Variants in RFC3 observed in about 807,000 individuals in gnomAD.
RFC3 encodes replication factor C subunit 3, also known as A1 38 kDa subunit.
A neutral mutation model predicts 45.1 loss-of-function variants in RFC3; 41 were observed. That is an observed-to-expected ratio of 0.91 (90% confidence interval 0.71 to 1.18). RFC3 has a LOEUF of 1.18. Ranked by LOEUF, RFC3 falls within the 50% of genes most tolerant of loss-of-function variation. The probability of loss-of-function intolerance (pLI) is 0.00; values close to 1 mark genes in which losing one functional copy is unlikely to be tolerated. For missense variants in RFC3, 423 were observed against 428.1 expected, an observed-to-expected ratio of 0.99 and a Z score of 0.10; for synonymous variants, 149 against 144.0, an observed-to-expected ratio of 1.03 and a Z score of -0.25.
rs774626588 is a variant in RFC3 at position 33,818,158 on chromosome 13, C to A, written c.-21C>A. 9 of 1,602,636 alleles carry A rather than the reference C, an allele frequency of 5.6e-6. No homozygotes were observed. Among genetic ancestry groups the A allele is most frequent in the Non-Finnish European group, 7.7e-6 (9 of 1,171,844 alleles). On this transcript the variant is annotated 5_prime_UTR_variant, in exon 1 of 9. Transcript: ENST00000380071. ...CTCGCGCGGGATTTTCAAGCGTAGG[C>A]CCCCGGGAACTCGAGCTGCCATGAG...
At chr13:33,901,373 C>T (rs949628847) in intron 8 of RFC3, among the ~76,000 whole-genome samples, 1 of 151,938 alleles carries the variant, frequency 6.6e-6, no homozygotes, top group African/African-American at 2.4e-5. Flanking sequence ...AAAATAAAAT[C>T]TTGCCATTTT....
chr13:33,842,594 T>TA (rs1258894382), intron 8 of RFC3, among the ~76,000 whole-genome samples: 1 of 152,214 alleles, frequency 6.6e-6, no homozygotes, highest in African/African-American at 2.4e-5. Context: ...AACTCACTGT[T>TA]ATCACAGTTC....
At chr13:33,921,319 C>G (rs2082767445) in intron 8 of RFC3, among the ~76,000 whole-genome samples, 1 of 152,132 alleles carries the variant, frequency 6.6e-6, no homozygotes, top group African/African-American at 2.4e-5. Context: ...GAGCTTGGGA[C>G]TGCCCAAGAG....
rs772138530 is a variant in RFC3 at position 33,818,187 on chromosome 13, C to G, written c.9C>G (p.Leu3=). The G allele has an allele frequency of 5.6e-6, 9 of 1,613,388 alleles. No homozygotes were observed. The African/African-American group carries it at 1.2e-4, about 22-fold the overall frequency. The change falls in exon 1 of 9, where the codon CTC becomes CTG. Residue 3 remains leucine (L), a synonymous_variant. Transcript: ENST00000380071. MS[L]WVDKYRPCSL... ...CGGGAACTCGAGCTGCCATGAGCCT[C>G]TGGGTGGACAAGTATCGGCCCTGCT... is the stretch of plus-strand genomic sequence containing the variant.
chr13:33,819,529 A>G (rs372237553), intron 1 of RFC3, among the ~76,000 whole-genome samples: 4 of 152,238 alleles, frequency 2.6e-5, no homozygotes, highest in African/African-American at 9.6e-5. Flanking sequence ...CGTAAAAATC[A>G]TTAGACTAGT....
intron 8 of RFC3, among the ~76,000 whole-genome samples, chr13:33,924,287 G>A (rs1323243406): frequency 6.6e-6 from 1 of 151,950 alleles, no homozygotes; most frequent in East Asian, 1.9e-4. Flanking sequence ...AATGGAAGGT[G>A]GCAAATTATC....
At chr13:33,968,999 A>C (rs950109243), downstream of RFC3, among the ~76,000 whole-genome samples, 2 of 152,192 alleles carry the variant, frequency 1.3e-5, no homozygotes, top group Admixed American at 1.3e-4. Flanking sequence ...CACCCACCGT[A>C]CAAATTTTCT....
chr13:33,973,556 G>C, the RFC3 span, among the ~76,000 whole-genome samples: 4 of 151,950 alleles, frequency 2.6e-5, no homozygotes, highest in African/African-American at 9.7e-5. Flanking sequence ...CATCTCATAG[G>C]GCGTAATACC....
intron 8 of RFC3, among the ~76,000 whole-genome samples, chr13:33,964,944 G>A (rs2083078502): frequency 6.6e-6 from 1 of 152,218 alleles, no homozygotes; most frequent in African/African-American, 2.4e-5. Context: ...CCTGGAGGCA[G>A]AGATTAGAGT....
At chr13:33,871,864 A>G (rs934794603) in intron 8 of RFC3, among the ~76,000 whole-genome samples, 1 of 152,108 alleles carries the variant, frequency 6.6e-6, no homozygotes, top group Non-Finnish European at 1.5e-5. Flanking sequence ...TATTTTACAG[A>G]TTAGTAAAAG....
At chr13:33,946,950 C>A (rs947071296) in intron 8 of RFC3, among the ~76,000 whole-genome samples, 1 of 152,146 alleles carries the variant, frequency 6.6e-6, no homozygotes, top group African/African-American at 2.4e-5. Flanking sequence ...TTTGGAAATG[C>A]ACTGATTATT....
chr13:33,903,151 A>T (rs1266888084), intron 8 of RFC3, among the ~76,000 whole-genome samples: 1 of 151,844 alleles, frequency 6.6e-6, no homozygotes, highest in Admixed American at 6.6e-5. Context: ...AATCCCGGTT[A>T]CTCTCTCTCC....
At chr13:33,818,303 GCCCCCCGGCTCGGGGTTTCGCGCCC>G (rs773939145) in intron 1 of RFC3, 38 bp downstream of exon 1, 1 of 1,577,966 alleles carries the variant, frequency 6.3e-7, no homozygotes, top group South Asian at 1.1e-5. Flanking sequence ...GAGAGGGGAG[GCCCCCCGGCTCGGGGTTTCGCGCCC>G]CCCTGAGGAG....
chr13:33,959,477 C>G (rs2083042660), intron 8 of RFC3, among the ~76,000 whole-genome samples: 1 of 152,126 alleles, frequency 6.6e-6, no homozygotes, highest in African/African-American at 2.4e-5. Flanking sequence ...GCCATAGACC[C>G]CTGATCTTGC....
At chr13:33,924,757 A>T (rs2082792671) in intron 8 of RFC3, among the ~76,000 whole-genome samples, 1 of 147,350 alleles carries the variant, frequency 6.8e-6, no homozygotes, top group Admixed American at 6.9e-5. Context: ...GGGCCTGGTG[A>T]TTGAGGGGAA....
chr13:33,859,455 T>G (rs998782005), intron 8 of RFC3, among the ~76,000 whole-genome samples: 1 of 152,128 alleles, frequency 6.6e-6, no homozygotes, highest in Non-Finnish European at 1.5e-5. Context: ...GTAAATAATA[T>G]CAAAACATTT....
intron 8 of RFC3, among the ~76,000 whole-genome samples, chr13:33,851,639 G>A (rs958951717): frequency 1.3e-5 from 2 of 152,128 alleles, no homozygotes; most frequent in African/African-American, 4.8e-5. Flanking sequence ...AGGGGTGGCA[G>A]AGGCAAAATA....
chr13:33,878,046 C>A (rs1388585990), intron 8 of RFC3, among the ~76,000 whole-genome samples: 1 of 151,840 alleles, frequency 6.6e-6, no homozygotes, highest in African/African-American at 2.4e-5. Flanking sequence ...GTAATTCCTG[C>A]CTGTAGGGCT....
rs543654521 is a variant in RFC3, at chr13:33,894,625, G to A, written c.879+59408G>A. 6.6e-5 allele frequency among the ~76,000 whole-genome samples: 10 copies of A among 152,262 alleles called. No individual in the cohort carries two copies. In the East Asian group the frequency reaches 1.9e-3, roughly 29 times the overall value. ...AAAGCTCCAGTTGCTGTCACCACTA[G>A]GAAGGCTTATGGCCTGGGGCAATTT... is the stretch of plus-strand genomic sequence containing the variant. On this transcript the variant is annotated intron_variant, in intron 8 of 8. Coordinates refer to the RFC3 transcript ENST00000434425.
Sources: gnomAD v4.1 joint callset for allele counts (sites outside exome capture counted in the v4.1 genomes callset) on GRCh38, gnomAD v4.1.1 for gene constraint, MANE v1.5 for transcripts, NCBI Gene and HGNC (gene_info 2026-07-23, HGNC 2026-07-21) for gene names.